Variants in GCNT1 observed in about 807,000 individuals in gnomAD.
GCNT1 encodes the protein beta-1,3-galactosyl-O-glycosyl-glycoprotein beta-1,6-N-acetylglucosaminyltransferase.
Under a neutral mutation model 26.2 loss-of-function variants are expected in GCNT1, and 16 were observed. That is an observed-to-expected ratio of 0.61 (90% CI 0.41 to 0.93). GCNT1 has a LOEUF of 0.93. Among genes scored for constraint, GCNT1 ranks in the 40% least tolerant of loss-of-function variants. GCNT1 has a pLI of 0.00. For missense variants in GCNT1, 477 were observed against 526.7 expected (o/e 0.91, Z 0.92); for synonymous variants, 183 against 190.8 (o/e 0.96, Z 0.34).
chr9:76,481,133 G>A (rs193022176), intron 2 of GCNT1, among the ~76,000 whole-genome samples: 7 of 152,182 alleles, frequency 4.6e-5, no homozygotes, highest in Admixed American at 2.0e-4. Context: ...AGCTACTCAG[G>A]AGGCTGAGGT....
rs547939879 is a variant in GCNT1, at chr9:76,472,720, C to CTTTCT, written c.-290+12572_-290+12576dup. Among the ~76,000 whole-genome samples, 886 of 130,194 alleles carry CTTTCT rather than the reference C, an allele frequency of 6.8e-3. 20 individuals carry two copies. The highest frequency in any genetic ancestry group is 0.032 in the Admixed American group (392 of 12,416). The allele number at this position is 130,194 out of a possible 152,430, so 85.4% of individuals were successfully genotyped here. A position where few individuals can be genotyped will look rare whatever the true frequency, so the allele number is the denominator to read the frequency against. ...CCAAACCAGCAACAGAGAATCTTGT[C>CTTTCT]TTTCTTTTCTTTTCTTTTCTTTTCT... On this transcript the variant is annotated intron_variant, in intron 2 of 3. Coordinates refer to ENST00000376730, the MANE Select transcript of GCNT1 (RefSeq NM_001490.5).
chr9:76,420,129 A>T (rs12156473), intron 1 of GCNT1: 51,198 of 152,142 alleles, frequency 0.34, 9,177 homozygotes, highest in Middle Eastern at 0.4. Flanking sequence ...GGACTTCAAA[A>T]CAGATTTGTG....
chr9:76,500,923 T>G lies in GCNT1; in HGVS notation c.-282T>G, dbSNP rs1347076820. 6.6e-6 allele frequency: 1 copy of G among 152,214 alleles called. No homozygotes were observed. Among genetic ancestry groups the G allele is most frequent in the Admixed American group, 6.5e-5 (1 of 15,278 alleles). 9.4% of individuals were successfully genotyped at this position (152,214 alleles called of 1,614,324 possible). ...TGTTTTTTAATTTCACAGATTTCTT[T>G]AAAGACTCGTGCAGCACATCATTAT... is the stretch of plus-strand genomic sequence containing the variant. On this transcript the variant is annotated 5_prime_UTR_variant, in exon 3 of 4. Transcript: ENST00000376730.
rs1156359213 is a variant in GCNT1, at chr9:76,482,536, A to G, written c.-289-18380A>G. Among the ~76,000 whole-genome samples, 15 of 151,734 alleles carry G rather than the reference A, an allele frequency of 9.9e-5. No individual in the cohort carries two copies. The East Asian group carries it at 2.9e-3, about 30-fold the overall frequency. ...CTACTCAGGAGGCTGAGGCAGGAGA[A>G]TGGCGTGAACCCAGGAGGCAGAGCT... On this transcript the variant is annotated intron_variant, in intron 2 of 3. Coordinates refer to ENST00000376730, the MANE Select transcript of GCNT1 (RefSeq NM_001490.5).
At chr9:76,472,001 G>A (rs1395420921) in intron 2 of GCNT1, among the ~76,000 whole-genome samples, 1 of 152,162 alleles carries the variant, frequency 6.6e-6, no homozygotes, top group Non-Finnish European at 1.5e-5. Context: ...TAGGGGCTGG[G>A]CATGGTGGCT....
intron 2 of GCNT1, among the ~76,000 whole-genome samples, chr9:76,462,959 G>A (rs1481003302): frequency 6.6e-6 from 1 of 152,186 alleles, no homozygotes; most frequent in Non-Finnish European, 1.5e-5. Flanking sequence ...GTAGAATTTA[G>A]TTTTAAGAAA....
chr9:76,432,945 A>T (rs1823357118), intron 1 of GCNT1, among the ~76,000 whole-genome samples: 1 of 151,698 alleles, frequency 6.6e-6, no homozygotes, highest in South Asian at 2.1e-4. Context: ...TTGGATACTC[A>T]CAAACCAATT....
the GCNT1 span, among the ~76,000 whole-genome samples, chr9:76,402,793 C>T: frequency 6.6e-6 from 1 of 151,926 alleles, no homozygotes; most frequent in African/African-American, 2.4e-5. Context: ...GATTCTCCTG[C>T]CTCAGCCTCC....
chr9:76,474,056 C>T lies in GCNT1; in HGVS notation c.-290+13879C>T, dbSNP rs116389957. 3.0e-3 allele frequency among the ~76,000 whole-genome samples: 459 copies of T among 152,214 alleles called. 1 individual carries two copies. Among genetic ancestry groups the T allele is most frequent in the African/African-American group, 0.011 (442 of 41,532 alleles). The stretch of plus-strand genomic sequence containing the variant: ...TCGAGGCTGTAGTAAGCTTTGGTTA[C>T]GCCACTGCACTCTAGCTTGGGTAAC... On this transcript the variant is annotated intron_variant, in intron 2 of 3. Transcript: ENST00000376730.
At chr9:76,413,459 C>T in the GCNT1 span, among the ~76,000 whole-genome samples, 1 of 152,136 alleles carries the variant, frequency 6.6e-6, no homozygotes, top group African/African-American at 2.4e-5. Flanking sequence ...AGAAAGAGAC[C>T]TTAAGATGAA....
At chr9:76,483,538 C>T (rs1370195849) in intron 2 of GCNT1, among the ~76,000 whole-genome samples, 2 of 152,130 alleles carry the variant, frequency 1.3e-5, no homozygotes, top group Middle Eastern at 3.2e-3. Context: ...TCTCAGCCTT[C>T]TGAGTAGCTG....
chr9:76,501,540 T>A (rs556824950), intron 3 of GCNT1, among the ~76,000 whole-genome samples: 63 of 152,360 alleles, frequency 4.1e-4, no homozygotes, highest in African/African-American at 1.3e-3. Flanking sequence ...TCTTGTAGTT[T>A]CTGGCATGGA....
At chr9:76,478,385 G>C (rs113844131) in intron 2 of GCNT1, among the ~76,000 whole-genome samples, 1 of 152,054 alleles carries the variant, frequency 6.6e-6, no homozygotes. Context: ...GAAGGTCTGC[G>C]GCTTCATTCC....
chr9:76,499,025 T>C (rs1364117310), intron 2 of GCNT1, among the ~76,000 whole-genome samples: 2 of 148,412 alleles, frequency 1.3e-5, no homozygotes, highest in African/African-American at 5.0e-5. Flanking sequence ...TTAGTATTTC[T>C]TGTAGGGTAA....
the GCNT1 span, among the ~76,000 whole-genome samples, chr9:76,401,253 G>T: frequency 6.6e-6 from 1 of 152,178 alleles, no homozygotes; most frequent in Non-Finnish European, 1.5e-5. Flanking sequence ...ATTTATTTAT[G>T]TATTTACATA....
At chr9:76,493,562 C>T (rs1824811624) in intron 2 of GCNT1, among the ~76,000 whole-genome samples, 1 of 152,182 alleles carries the variant, frequency 6.6e-6, no homozygotes, top group African/African-American at 2.4e-5. Context: ...TTCCCCTCCC[C>T]CTACAGCTTG....
At chr9:76,422,642 T>G (rs999224926) in intron 1 of GCNT1, among the ~76,000 whole-genome samples, 1 of 152,168 alleles carries the variant, frequency 6.6e-6, no homozygotes, top group African/African-American at 2.4e-5. Flanking sequence ...AGCCTTGACC[T>G]CCTAGGCTCA....
At chr9:76,468,133 G>A (rs993839508) in intron 2 of GCNT1, among the ~76,000 whole-genome samples, 3 of 152,004 alleles carry the variant, frequency 2.0e-5, no homozygotes, top group Admixed American at 2.0e-4. Flanking sequence ...TTAACCTCAG[G>A]TGATCCGCCT....
intron 2 of GCNT1, among the ~76,000 whole-genome samples, chr9:76,485,575 T>G (rs1418222372): frequency 2.0e-5 from 3 of 152,220 alleles, no homozygotes; most frequent in Non-Finnish European, 4.4e-5. Context: ...TCTCTGTTTC[T>G]CTCAAATATT....
Sources: gnomAD v4.1 joint callset for allele counts (sites outside exome capture counted in the v4.1 genomes callset) on GRCh38, gnomAD v4.1.1 for gene constraint, MANE v1.5 for transcripts, NCBI Gene and HGNC (gene_info 2026-07-23, HGNC 2026-07-21) for gene names.